SNRK: variants seen among roughly 807,000 people sequenced by gnomAD.
SNRK encodes SNF-related serine/threonine-protein kinase.
A neutral mutation model predicts 48.2 loss-of-function variants in SNRK; 3 were observed. The ratio of observed to expected loss-of-function variants is 0.06; its 90% CI spans 0.03 to 0.16. The LOEUF (loss-of-function observed/expected upper bound fraction) is 0.16, where lower values mean the gene tolerates loss of function less well. Ranked by LOEUF, SNRK falls within the 10% of genes least tolerant of loss-of-function variation. The pLI is 1.00. For missense variants in SNRK, 627 were observed against 976.0 expected (o/e 0.64, Z 4.76); for synonymous variants, 376 against 366.1 (o/e 1.03, Z -0.31).
At chr3:43,313,990 A>C (rs186731149) in intron 3 of SNRK, among the ~76,000 whole-genome samples, 20 of 152,322 alleles carry the variant, frequency 1.3e-4, no homozygotes, top group Non-Finnish European at 2.1e-4. Flanking sequence ...CTGGGAAAGA[A>C]GGTTGATGTG....
intron 1 of SNRK, among the ~76,000 whole-genome samples, chr3:43,291,479 A>G (rs1376477598): frequency 6.6e-6 from 1 of 152,180 alleles, no homozygotes; most frequent in Non-Finnish European, 1.5e-5. Flanking sequence ...ATGGAGAACT[A>G]TATATACAAC....
chr3:43,318,577 A>G (rs1361828157), intron 3 of SNRK, among the ~76,000 whole-genome samples: 1 of 151,910 alleles, frequency 6.6e-6, no homozygotes, highest in African/African-American at 2.4e-5. Context: ...TTGAGGTAAG[A>G]AATGTATGCC....
intron 2 of SNRK, among the ~76,000 whole-genome samples, chr3:43,302,026 T>G (rs1446208650): frequency 6.6e-6 from 1 of 152,220 alleles, no homozygotes; most frequent in Non-Finnish European, 1.5e-5. Context: ...ATGTGGTTCT[T>G]AAAAACCAAA....
chr3:43,301,886 C>T (rs2090900472), intron 2 of SNRK, among the ~76,000 whole-genome samples: 3 of 152,148 alleles, frequency 2.0e-5, no homozygotes, highest in Admixed American at 2.0e-4. Flanking sequence ...AGGGTTCAGC[C>T]TGTGAGATAT....
chr3:43,289,818 CTT>C (rs2090796190), intron 1 of SNRK: 1 of 152,702 alleles, frequency 6.5e-6, no homozygotes, highest in Non-Finnish European at 1.5e-5. Context: ...AATCAGGCCT[CTT>C]TCCCTTTCCT....
chr3:43,346,273 CAAAAG>C lies in SNRK; in HGVS notation c.1080-1061_1080-1057del, dbSNP rs2091275238. Among the ~76,000 whole-genome samples the C allele has an allele frequency of 2.0e-5, 3 of 152,190 alleles. No individual in the cohort carries two copies. The South Asian group carries it at 6.2e-4, about 32-fold the overall frequency. Reference sequence around the variant, plus strand: ...TTATTAAAGGGGAACCTGTGCAAAACAAAAGAAAACTTGCACATAGCAAGTCTAGT... The same window carrying C: ...TTATTAAAGGGGAACCTGTGCAAAACAAAACTTGCACATAGCAAGTCTAGT... On this transcript the variant is annotated intron_variant, in intron 6 of 6. Transcript: ENST00000296088.
intron 3 of SNRK, among the ~76,000 whole-genome samples, chr3:43,313,452 A>G (rs2090993206): frequency 6.6e-6 from 1 of 152,240 alleles, no homozygotes; most frequent in Non-Finnish European, 1.5e-5. Context: ...ATCTCAGGTT[A>G]CATGCTATAT....
At chr3:43,318,376 GGT>G (rs1454297917) in intron 3 of SNRK, among the ~76,000 whole-genome samples, 9 of 151,854 alleles carry the variant, frequency 5.9e-5, no homozygotes, top group African/African-American at 2.2e-4. Flanking sequence ...TGAAAGTCTT[GGT>G]GTTTATTTGA....
intron 3 of SNRK, among the ~76,000 whole-genome samples, chr3:43,317,908 G>A (rs1444911602): frequency 6.6e-6 from 1 of 152,172 alleles, no homozygotes; most frequent in African/African-American, 2.4e-5. Context: ...GATTATTGAG[G>A]GGATTAGATG....
intron 4 of SNRK, chr3:43,332,943 T>A (rs185098662): frequency 6.6e-6 from 1 of 152,292 alleles, no homozygotes; most frequent in East Asian, 1.9e-4. Flanking sequence ...AAGTTCAGTA[T>A]TGACATTTTA....
At chr3:43,320,452 C>T (rs531735678) in intron 3 of SNRK, among the ~76,000 whole-genome samples, 1 of 152,190 alleles carries the variant, frequency 6.6e-6, no homozygotes, top group Admixed American at 6.5e-5. Flanking sequence ...GAAGGAAGCC[C>T]CTGAGATGGT....
In SNRK at chr3:43,323,791, A is replaced by G. The variant is rs192165037; in HGVS notation, c.590-8378A>G. Among the ~76,000 whole-genome samples the G allele has an allele frequency of 7.4e-4, 112 of 152,298 alleles. 1 individual carries two copies. Among genetic ancestry groups the G allele is most frequent in the South Asian group, 4.8e-3 (23 of 4,818 alleles). ...TGTACAACAACATGAGTGAATCTCA[A>G]TGCATTATTGAGAAAAACCAGACTG... is the stretch of plus-strand genomic sequence containing the variant. On this transcript the variant is annotated intron_variant, in intron 3 of 6. Coordinates refer to ENST00000296088, the MANE Select transcript of SNRK (RefSeq NM_017719.5).
At position 43,303,287 on chromosome 3, in the gene SNRK, C is replaced by T. The variant is rs369087257; in HGVS notation, c.84C>T (p.Ala28=). The T allele has an allele frequency of 3.0e-5, 48 of 1,613,998 alleles. No homozygotes were observed. Among genetic ancestry groups the T allele is most frequent in the Middle Eastern group, 1.6e-4 (1 of 6,084 alleles). Residue 28 remains alanine (A), a synonymous_variant, in exon 3 of 7, where the codon GCC becomes GCT. Transcript: ENST00000296088. This position sits in a 1 kb window ranked among gnomAD's most constrained non-coding sequence, Gnocchi z 6.2. ...AAACCTTGGGTCGAGGCCATTTTGCCGTGGTTAAACTTGCCAGGCATGTCT... is the reference window on the plus strand; with the variant it reads ...AAACCTTGGGTCGAGGCCATTTTGCTGTGGTTAAACTTGCCAGGCATGTCT... ...LDKTLGRGHF[A]VVKLARHVFT...
chr3:43,300,094 CAT>C (rs1169135637), intron 2 of SNRK, among the ~76,000 whole-genome samples: 3 of 152,112 alleles, frequency 2.0e-5, no homozygotes, highest in Admixed American at 6.5e-5. Flanking sequence ...ATTGTGGTTT[CAT>C]AGACTATGGA....
chr3:43,305,720 C>T (rs192099504), intron 3 of SNRK, among the ~76,000 whole-genome samples: 2,578 of 152,060 alleles, frequency 0.017, 42 homozygotes, highest in Middle Eastern at 0.031. Context: ...CTCCTGACCT[C>T]GTGATCCACC....
At chr3:43,336,794 C>T (rs1310981861) in intron 4 of SNRK, among the ~76,000 whole-genome samples, 2 of 152,112 alleles carry the variant, frequency 1.3e-5, no homozygotes, top group Admixed American at 6.5e-5. Flanking sequence ...CTCTGTTGCC[C>T]AGGCCGGAGT....
At chr3:43,342,831 A>G (rs2091247311) in intron 5 of SNRK, among the ~76,000 whole-genome samples, 2 of 152,220 alleles carry the variant, frequency 1.3e-5, no homozygotes, top group African/African-American at 2.4e-5. Context: ...CATGCTTTCA[A>G]TTTCTTTAAT....
chr3:43,299,911 A>G (rs572998425), intron 2 of SNRK, 96 bp downstream of exon 2: 3 of 152,708 alleles, frequency 2.0e-5, no homozygotes, highest in African/African-American at 4.8e-5. Context: ...GGGAGCTGCA[A>G]GATCCTCAGA....
Position 43,303,716 on chromosome 3 carries a change from C to T in SNRK, c.513C>T (p.Leu171=). Residue 171 remains leucine, a synonymous_variant, in exon 3 of 7, where the codon CTC becomes CTT. Transcript: ENST00000296088. This position sits in a 1 kb window ranked among gnomAD's most constrained non-coding sequence, Gnocchi z 6.2. ...ACAAATTTCAACCAGGGAAGAAGCT[C>T]ACTACAAGCTGTGGATCTCTTGCAT... The part of the protein sequence containing the change: ...FSNKFQPGKK[L]TTSCGSLAYS... 2.5e-6 allele frequency: 4 copies of T among 1,613,998 alleles called. No homozygotes were observed. Among genetic ancestry groups the T allele is most frequent in the Non-Finnish European group, 3.4e-6 (4 of 1,180,018 alleles).
Sources: allele counts gnomAD v4.1 joint callset (sites outside exome capture counted in the v4.1 genomes callset), GRCh38; gene constraint gnomAD v4.1.1; non-coding constraint Gnocchi (gnomAD v3.1); transcripts MANE v1.5; gene names NCBI Gene and HGNC (gene_info 2026-07-23, HGNC 2026-07-21).